The following SHISA9 variants were observed in gnomAD, a reference collection of about 807,000 sequenced individuals.
SHISA9 encodes protein shisa-9.
A neutral mutation model predicts 38.0 loss-of-function variants in SHISA9; 13 were observed. The ratio of observed to expected loss-of-function variants is 0.34; its 90% confidence interval spans 0.22 to 0.54. The LOEUF (loss-of-function observed/expected upper bound fraction) is 0.54. Among genes scored for constraint, SHISA9 ranks in the 20% least tolerant of loss-of-function variants. SHISA9 has a pLI of 0.91. For synonymous variants in SHISA9, 275 were observed against 242.0 expected (o/e 1.14, Z -1.27); for missense variants, 538 against 575.8 (o/e 0.93, Z 0.67).
rs77930531 is a variant in SHISA9 at position 13,167,455 on chromosome 16, C to G, written c.692-35939C>G. ...GAACACTCGCCTCCCTTGACTTGTG[C>G]CTCTTACGTTTCTGGTAACTCCTTG... On this transcript the variant is annotated intron_variant, in intron 2 of 4. Coordinates refer to ENST00000558583, the MANE Select transcript of SHISA9 (RefSeq NM_001145204.3). Among the ~76,000 whole-genome samples, 672 of 152,258 alleles carry G rather than the reference C, an allele frequency of 4.4e-3. 8 individuals carry two copies. The highest frequency in any genetic ancestry group is 0.015 in the African/African-American group (623 of 41,552).
chr16:13,135,063 C>G (rs939529150), intron 2 of SHISA9, among the ~76,000 whole-genome samples: 12 of 152,134 alleles, frequency 7.9e-5, no homozygotes, highest in African/African-American at 2.9e-4. Flanking sequence ...ACATGACTCA[C>G]CTTGCTGTCA....
intron 2 of SHISA9, among the ~76,000 whole-genome samples, chr16:13,136,393 CTTCTTTTTTTTTTTT>C (rs1318785999): frequency 8.0e-6 from 1 of 125,220 alleles, no homozygotes; most frequent in Non-Finnish European, 1.6e-5. Context: ...ATACAGTTTC[CTTCTTTTTTTTTTTT>C]TTTTTTTTTT....
intron 2 of SHISA9, among the ~76,000 whole-genome samples, chr16:12,997,153 G>T (rs565173680): frequency 1.3e-5 from 2 of 152,086 alleles, no homozygotes; most frequent in South Asian, 4.1e-4. Flanking sequence ...CCATCCCTCA[G>T]AGGTAACCAC....
the SHISA9 span, among the ~76,000 whole-genome samples, chr16:13,486,864 C>A: frequency 7.7e-4 from 118 of 152,270 alleles, no homozygotes; most frequent in East Asian, 0.021. Flanking sequence ...GCCACCGCAC[C>A]CAGCTAATTT....
the SHISA9 span, among the ~76,000 whole-genome samples, chr16:13,313,460 T>C: frequency 6.6e-6 from 1 of 152,146 alleles, no homozygotes; most frequent in Non-Finnish European, 1.5e-5. Context: ...AGATAATTCC[T>C]GAAGTAGAGA....
At chr16:13,526,311 G>A in the SHISA9 span, among the ~76,000 whole-genome samples, 1 of 152,188 alleles carries the variant, frequency 6.6e-6, no homozygotes, top group Non-Finnish European at 1.5e-5. Flanking sequence ...TTCTCTGTCT[G>A]CCTGTGGTCA....
intron 2 of SHISA9, among the ~76,000 whole-genome samples, chr16:12,963,555 GTGCC>G (rs1567354341): frequency 1.3e-5 from 2 of 152,232 alleles, no homozygotes. Flanking sequence ...TCCTTATTAT[GTGCC>G]AAGTGCCTTC....
In SHISA9 at chr16:13,237,658, A is replaced by G. The variant is rs1356180028; in HGVS notation, c.*2249A>G. The G allele has an allele frequency of 6.6e-6, 1 of 151,122 alleles. No homozygotes were observed. Among genetic ancestry groups the G allele is most frequent in the Non-Finnish European group, 1.5e-5 (1 of 67,770 alleles). The allele number at this position is 151,122 out of a possible 1,614,324, so 9.4% of individuals were successfully genotyped here. On this transcript the variant is annotated 3_prime_UTR_variant, in exon 5 of 5. Transcript: ENST00000558583. ...GGTGACGGAGTGAGACTATCTCAAAAAAAAAAAAAAAAAGAAAAAAAAAGA... is the reference window on the plus strand; with the variant it reads ...GGTGACGGAGTGAGACTATCTCAAAGAAAAAAAAAAAAAGAAAAAAAAAGA...
intron 2 of SHISA9, among the ~76,000 whole-genome samples, chr16:12,955,086 T>C (rs1048260243): frequency 1.3e-5 from 2 of 152,056 alleles, no homozygotes; most frequent in African/African-American, 2.4e-5. Context: ...GCCTAGTGTT[T>C]CCATTGATTT....
chr16:13,196,042 T>G (rs553023885), intron 2 of SHISA9, among the ~76,000 whole-genome samples: 1 of 125,330 alleles, frequency 8.0e-6, no homozygotes, highest in Non-Finnish European at 1.6e-5. Context: ...GAGCTGAGAT[T>G]GCACCACTGC....
the SHISA9 span, among the ~76,000 whole-genome samples, chr16:13,500,275 G>A: frequency 6.6e-6 from 1 of 152,024 alleles, no homozygotes; most frequent in Non-Finnish European, 1.5e-5. Context: ...TTCACCTTCC[G>A]CCATGATTTT....
chr16:13,136,851 C>T (rs2050354275), intron 2 of SHISA9, among the ~76,000 whole-genome samples: 1 of 152,010 alleles, frequency 6.6e-6, no homozygotes, highest in African/African-American at 2.4e-5. Flanking sequence ...ACTAATGTCT[C>T]ATTGAAAGAT....
At chr16:13,334,106 T>A in the SHISA9 span, among the ~76,000 whole-genome samples, 1 of 152,230 alleles carries the variant, frequency 6.6e-6, no homozygotes, top group Non-Finnish European at 1.5e-5. Flanking sequence ...TTGAGACCGA[T>A]GCTATCTCAT....
intron 2 of SHISA9, among the ~76,000 whole-genome samples, chr16:12,953,550 C>T (rs1364906007): frequency 6.6e-6 from 1 of 152,222 alleles, no homozygotes; most frequent in Non-Finnish European, 1.5e-5. Context: ...ATTGTAATCT[C>T]TCATTCCTAG....
intron 2 of SHISA9, among the ~76,000 whole-genome samples, chr16:13,007,630 C>A (rs899949316): frequency 7.2e-5 from 11 of 152,162 alleles, no homozygotes; most frequent in Non-Finnish European, 1.5e-4. Flanking sequence ...CCTACAAGGC[C>A]CATCATGAAC....
rs141047021 is a variant in SHISA9, at chr16:12,984,968, G to A, written c.691+68153G>A. ...CTCCCGACGGGATTAGGCTGAGGCC[G>A]AGACTTGCCCTGAAATTGTCCCTTG... On this transcript the variant is annotated intron_variant, in intron 2 of 4. Transcript: ENST00000558583. Among the ~76,000 whole-genome samples, 1,095 of 152,270 alleles carry A rather than the reference G, an allele frequency of 7.2e-3. 3 individuals carry two copies. The highest frequency in any genetic ancestry group is 0.012 in the Non-Finnish European group (802 of 68,022).
chr16:12,913,641 A>G (rs921980956), intron 1 of SHISA9, among the ~76,000 whole-genome samples: 2 of 152,240 alleles, frequency 1.3e-5, no homozygotes, highest in Non-Finnish European at 2.9e-5. Flanking sequence ...TACAAAAAAA[A>G]TCCATATCCA....
chr16:13,460,356 G>C, the SHISA9 span, among the ~76,000 whole-genome samples: 6 of 152,120 alleles, frequency 3.9e-5, no homozygotes, highest in Non-Finnish European at 5.9e-5. Flanking sequence ...GTCATTTACT[G>C]TGTGCTGGAA....
chr16:13,165,179 C>T (rs1287428197), intron 2 of SHISA9, among the ~76,000 whole-genome samples: 1 of 151,236 alleles, frequency 6.6e-6, no homozygotes, highest in African/African-American at 2.4e-5. Context: ...TTTTTTATGC[C>T]TCCTCCTTTC....
Sources: gnomAD v4.1 joint callset for allele counts (sites outside exome capture counted in the v4.1 genomes callset) on GRCh38, gnomAD v4.1.1 for gene constraint, MANE v1.5 for transcripts, NCBI Gene and HGNC (gene_info 2026-07-23, HGNC 2026-07-21) for gene names.